Variants in CEACAM21 observed in about 807,000 individuals in gnomAD.
The protein encoded by CEACAM21 is cell adhesion molecule CEACAM21.
CEACAM21 carries 38 observed loss-of-function variants against 33.2 expected under a neutral mutation model. That is an observed-to-expected ratio of 1.14 (90% CI 0.88 to 1.50). The LOEUF is 1.50. CEACAM21 is among the 40% of genes most tolerant of loss of function. CEACAM21 has a pLI of 0.00. For missense variants in CEACAM21, 385 were observed against 364.6 expected, an observed-to-expected ratio of 1.06 and a Z score of -0.46; for synonymous variants, 156 against 143.0, an observed-to-expected ratio of 1.09 and a Z score of -0.65.
intron 3 of CEACAM21, 81 bp from the exon 4 acceptor site, chr19:41,584,266 C>A: frequency 1.7e-6 from 2 of 1,195,360 alleles, no homozygotes; most frequent in Admixed American, 3.9e-5. Flanking sequence ...TCCTCCCTGA[C>A]CATGCCCCTG....
At chr19:41,580,271 C>T (rs2043276150) in intron 3 of CEACAM21, among the ~76,000 whole-genome samples, 1 of 152,024 alleles carries the variant, frequency 6.6e-6, no homozygotes, top group South Asian at 2.1e-4. Flanking sequence ...TCCACAATAA[C>T]AATCATCAAC....
intron 1 of CEACAM21, among the ~76,000 whole-genome samples, chr19:41,555,898 C>T (rs2122162569): frequency 6.6e-6 from 1 of 152,326 alleles, no homozygotes; most frequent in African/African-American, 2.4e-5. Flanking sequence ...AAACTGCAGC[C>T]CTCACCAGTG....
chr19:41,576,160 C>T (rs1555790933), upstream of CEACAM21: 3 of 1,266,312 alleles, frequency 2.4e-6, no homozygotes, highest in African/African-American at 4.5e-5. Flanking sequence ...TGAGAGGAAG[C>T]TCAGCATAGA....
intron 1 of CEACAM21, among the ~76,000 whole-genome samples, chr19:41,560,694 A>G (rs1433759443): frequency 1.3e-5 from 2 of 152,252 alleles, no homozygotes; most frequent in African/African-American, 2.4e-5. Flanking sequence ...GTTCAATGTA[A>G]TTCATAACTT....
Position 41,585,460 on chromosome 19 carries a change from A to G in CEACAM21, c.815A>G (p.Asp272Gly). The part of the protein sequence containing the change: ...RKTGRASDQS[D>G]FREQQPPAST... ...TTTCCTAGGGCCAGCGATCAGAGTG[A>G]CTTCAGGGAGCAGCAGCCCCCAGCC... The change falls in exon 5 of 7, where the codon GAC becomes GGC. Residue 272 changes from aspartate (D) to glycine (G), a missense_variant. Physicochemically the swap from Asp to Gly is moderately conservative, Grantham distance 94. Coordinates refer to ENST00000401445, the MANE Select transcript of CEACAM21 (RefSeq NM_001098506.4). 6.2e-7 allele frequency: 1 copy of G among 1,613,816 alleles called. No homozygotes were observed. The highest frequency in any genetic ancestry group is 8.5e-7 in the Non-Finnish European group (1 of 1,179,802).
upstream of CEACAM21, chr19:41,576,088 G>A (rs2042919874): frequency 3.2e-6 from 2 of 631,608 alleles, no homozygotes; most frequent in Non-Finnish European, 5.6e-6. Flanking sequence ...GAGAGGGGAG[G>A]GGACAGAGAG....
At chr19:41,585,077 C>A (rs1485683662) in intron 4 of CEACAM21, among the ~76,000 whole-genome samples, 1 of 152,114 alleles carries the variant, frequency 6.6e-6, no homozygotes, top group Non-Finnish European at 1.5e-5. Context: ...TGCATGCAGT[C>A]CCCTCAGTGT....
At chr19:41,575,876 C>T (rs191274582), upstream of CEACAM21, among the ~76,000 whole-genome samples, 279 of 152,280 alleles carry the variant, frequency 1.8e-3, no homozygotes, top group African/African-American at 6.5e-3. Flanking sequence ...AGACCCAGGG[C>T]CCAGCTGGTT....
At position 41,577,510 on chromosome 19, in the gene CEACAM21, A is replaced by G. The variant is rs1555791736; in HGVS notation, c.375A>G (p.Thr125=). ...CGGGATACTACAACCTACAAGTCAC[A>G]TACAGAAATTCTCAGATTGAACAGG... ...EDTGYYNLQV[T]YRNSQIEQAS... Residue 125 remains threonine (T), a synonymous_variant, in exon 2 of 7, where the codon ACA becomes ACG. Coordinates refer to ENST00000401445, the MANE Select transcript of CEACAM21 (RefSeq NM_001098506.4). 1 of 1,614,064 alleles carries G rather than the reference A, an allele frequency of 6.2e-7. No homozygotes were observed. The highest frequency in any genetic ancestry group is 8.5e-7 in the Non-Finnish European group (1 of 1,179,994).
At chr19:41,552,205 A>G (rs1485922553) in intron 1 of CEACAM21, 1 of 152,202 alleles carries the variant, frequency 6.6e-6, no homozygotes, top group Non-Finnish European at 1.5e-5. Flanking sequence ...CTGGAGCCTC[A>G]GTACATTTAC....
intron 4 of CEACAM21, among the ~76,000 whole-genome samples, chr19:41,585,022 G>C (rs979661364): frequency 6.6e-6 from 1 of 152,218 alleles, no homozygotes; most frequent in Non-Finnish European, 1.5e-5. Flanking sequence ...CCTGAGTGGA[G>C]TGTCTGGTCA....
chr19:41,575,891 G>C (rs536067688), upstream of CEACAM21, among the ~76,000 whole-genome samples: 3 of 152,276 alleles, frequency 2.0e-5, no homozygotes, highest in Non-Finnish European at 2.9e-5. Flanking sequence ...CTGGTTTTGT[G>C]TGTCACAAAG....
Position 41,577,225 on chromosome 19 carries a change from AC to A in CEACAM21, c.93del (p.Thr32ProfsTer47), listed in dbSNP as rs535449616. ...TASLLTFWNAPTTAWLFIASA... is the reference protein window; with the variant it reads ...TASLLTFWNAXTTAWLFIASA... ...CCTCACTTTTAACTTTCTGGAACGC[AC>A]CCACCACTGCCTGGCTCTTTATTGC... On this transcript the variant is annotated frameshift_variant, in exon 2 of 7. Coordinates refer to ENST00000401445, the MANE Select transcript of CEACAM21 (RefSeq NM_001098506.4). LOFTEE classifies it high-confidence loss of function. 356 of 1,613,922 alleles carry A rather than the reference AC, an allele frequency of 2.2e-4. No individual in the cohort carries two copies. The African/African-American group carries it at 4.1e-3, about 19-fold the overall frequency.
chr19:41,551,014 T>C (rs972754724), intron 1 of CEACAM21, among the ~76,000 whole-genome samples: 1 of 152,220 alleles, frequency 6.6e-6, no homozygotes, highest in Non-Finnish European at 1.5e-5. Flanking sequence ...GATCTTGTGA[T>C]CTCAGCAATG....
At chr19:41,576,565 C>T (rs958295105) in intron 1 of CEACAM21, among the ~76,000 whole-genome samples, 152,376 of 152,376 alleles carry the variant, frequency 1, 76,188 homozygotes, top group Non-Finnish European at 1. Flanking sequence ...GGCCACTACA[C>T]TTTGAAAATG....
At chr19:41,562,734 CTTT>C (rs59956903) in intron 1 of CEACAM21, among the ~76,000 whole-genome samples, 1 of 146,634 alleles carries the variant, frequency 6.8e-6, no homozygotes. Context: ...TTTCTTTTTT[CTTT>C]TTTTTTTTGG....
Position 41,577,210 on chromosome 19 carries a change from A to C in CEACAM21, c.75A>C (p.Leu25Phe). The C allele has an allele frequency of 2.5e-6, 4 of 1,613,958 alleles. No individual in the cohort carries two copies. Among genetic ancestry groups the C allele is most frequent in the Non-Finnish European group, 3.4e-6 (4 of 1,180,014 alleles). Residue 25 changes from leucine to phenylalanine, a missense_variant, in exon 2 of 7, where the codon TTA (leucine) becomes TTC (phenylalanine). By Grantham distance (22) the Leu-to-Phe change is conservative. Coordinates refer to ENST00000401445, the MANE Select transcript of CEACAM21 (RefSeq NM_001098506.4). ...CTCTCCCTTTCCTAGCCTCACTTTT[A>C]ACTTTCTGGAACGCACCCACCACTG... is the stretch of plus-strand genomic sequence containing the variant. ...WQGLLLTASL[L>F]TFWNAPTTAW... is the part of the protein sequence containing the mutation.
intron 6 of CEACAM21, 119 bp from the exon 7 acceptor site, chr19:41,586,345 G>A (rs544470126): frequency 3.5e-5 from 21 of 603,776 alleles, no homozygotes; most frequent in African/African-American, 9.2e-5. Flanking sequence ...CTGGGAGCAG[G>A]AACCCCCTGA....
chr19:41,581,404 G>C (rs187171925), intron 3 of CEACAM21, among the ~76,000 whole-genome samples: 2 of 152,176 alleles, frequency 1.3e-5, no homozygotes, highest in East Asian at 3.9e-4. Context: ...TAAATATGTG[G>C]GTAAATCTCT....
Sources: allele counts gnomAD v4.1 joint callset (sites outside exome capture counted in the v4.1 genomes callset), GRCh38; gene constraint gnomAD v4.1.1; transcripts MANE v1.5; gene names NCBI Gene and HGNC (gene_info 2026-07-23, HGNC 2026-07-21).